NAV3: variants seen among roughly 807,000 people sequenced by gnomAD.
NAV3 encodes the protein neuron navigator 3.
Under a neutral mutation model 244.7 loss-of-function variants are expected in NAV3, and 87 were observed. The ratio of observed to expected loss-of-function variants is 0.36; its 90% CI spans 0.30 to 0.42. The LOEUF (loss-of-function observed/expected upper bound fraction) is 0.42. NAV3 is among the 20% of genes least tolerant of loss of function. The pLI, the probability that NAV3 is intolerant of heterozygous loss-of-function variation, is 1.00. For synonymous variants in NAV3, 1,126 were observed against 1,042.2 expected, an observed-to-expected ratio of 1.08 and a Z score of -1.55; for missense variants, 2,663 against 2,893.3, an observed-to-expected ratio of 0.92 and a Z score of 1.83.
At chr12:77,994,748 C>A in intron 5 of NAV3, 55 bp from the exon 6 acceptor site, 1 of 1,396,538 alleles carries the variant, frequency 7.2e-7, no homozygotes, top group Non-Finnish European at 1.0e-6. Flanking sequence ...TTTGTGCTTT[C>A]CTTCCATGTT....
chr12:77,575,368 G>A (rs373002023), intron 2 of NAV3, among the ~76,000 whole-genome samples: 2 of 151,974 alleles, frequency 1.3e-5, no homozygotes, highest in African/African-American at 2.4e-5. Context: ...GAAATTTAAT[G>A]GCTTTTTTTG....
At chr12:77,801,891 C>T (rs990348480) in intron 2 of NAV3, among the ~76,000 whole-genome samples, 3 of 152,120 alleles carry the variant, frequency 2.0e-5, no homozygotes, top group Non-Finnish European at 4.4e-5. Flanking sequence ...TTGTCTTAGC[C>T]TCCCTTTCAG....
chr12:77,918,347 G>A (rs138511446), intron 1 of NAV3, among the ~76,000 whole-genome samples: 2 of 151,964 alleles, frequency 1.3e-5, no homozygotes, highest in African/African-American at 2.4e-5. Flanking sequence ...AAGAAAAACC[G>A]CTTGGCTGAG....
intron 1 of NAV3, among the ~76,000 whole-genome samples, chr12:77,860,072 A>T (rs892275751): frequency 6.6e-6 from 1 of 151,876 alleles, no homozygotes; most frequent in Non-Finnish European, 1.5e-5. Context: ...TATTAAGTGG[A>T]AAAAGCAAAG....
At chr12:77,639,522 A>G (rs562331863) in intron 2 of NAV3, among the ~76,000 whole-genome samples, 19 of 152,300 alleles carry the variant, frequency 1.2e-4, no homozygotes, top group African/African-American at 4.3e-4. Flanking sequence ...TACTTTGTTC[A>G]TTAAAATTGA....
At chr12:77,786,704 C>A (rs1870919343) in intron 2 of NAV3, among the ~76,000 whole-genome samples, 1 of 152,150 alleles carries the variant, frequency 6.6e-6, no homozygotes, top group East Asian at 1.9e-4. Context: ...GGAAGGAATT[C>A]CTGAAGTTTT....
chr12:77,666,224 G>C (rs1189697514), intron 2 of NAV3, among the ~76,000 whole-genome samples: 4 of 137,630 alleles, frequency 2.9e-5, no homozygotes, highest in Non-Finnish European at 3.0e-5. Flanking sequence ...TCTCTACTGA[G>C]TCTTTCAAAT....
At chr12:77,850,056 A>C (rs1192369092) in intron 1 of NAV3, among the ~76,000 whole-genome samples, 1 of 152,222 alleles carries the variant, frequency 6.6e-6, no homozygotes, top group Non-Finnish European at 1.5e-5. Context: ...ATTATTGCTT[A>C]GGTTACTCTA....
At chr12:77,692,347 G>A (rs1017781750) in intron 2 of NAV3, among the ~76,000 whole-genome samples, 6 of 151,884 alleles carry the variant, frequency 4.0e-5, no homozygotes, top group Non-Finnish European at 5.9e-5. Flanking sequence ...AATAGACCAG[G>A]ACCCAAACAC....
At chr12:77,638,808 A>G (rs1872268394) in intron 2 of NAV3, among the ~76,000 whole-genome samples, 2 of 152,186 alleles carry the variant, frequency 1.3e-5, no homozygotes, top group African/African-American at 4.8e-5. Context: ...TATCATATGA[A>G]TTTGTTAATT....
intron 2 of NAV3, among the ~76,000 whole-genome samples, chr12:77,634,904 G>GTTATTTAT (rs72076435): frequency 6.6e-6 from 1 of 151,850 alleles, no homozygotes; most frequent in Admixed American, 6.6e-5. Context: ...TCTAGCAAGT[G>GTTATTTAT]TTATTTATTT....
rs1217468821 is a variant in NAV3 at position 78,177,651 on chromosome 12, C to A, written c.5329C>A (p.Gln1777Lys). The A allele has an allele frequency of 1.3e-6, 2 of 1,597,308 alleles. No homozygotes were observed. Among genetic ancestry groups the A allele is most frequent in the South Asian group, 1.1e-5 (1 of 91,042 alleles). ...CCTTGTCTGGCCACCAAAGAAACGA[C>A]AAAATGGCCCTGTGATCTACAAGCA... The part of the protein sequence containing the change: ...SPLVWPPKKR[Q>K]NGPVIYKHRS... The change falls in exon 28 of 40, where the codon CAA (glutamine) becomes AAA (lysine). Residue 1777 changes from glutamine to lysine, a missense_variant. Around this residue, in one of 6 missense-constraint regions of NAV3, gnomAD observed 193 missense variants for 200.7 expected, o/e 0.96. Transcript: ENST00000397909.
intron 1 of NAV3, among the ~76,000 whole-genome samples, chr12:77,850,696 A>T (rs1394517037): frequency 2.6e-5 from 4 of 151,848 alleles, no homozygotes; most frequent in African/African-American, 9.7e-5. Context: ...TTTCTTTCTC[A>T]TTTTTAAAAT....
At chr12:77,758,039 T>G (rs1161768705) in intron 2 of NAV3, among the ~76,000 whole-genome samples, 1 of 152,190 alleles carries the variant, frequency 6.6e-6, no homozygotes, top group Non-Finnish European at 1.5e-5. Flanking sequence ...TGATCCAAAA[T>G]GCACAAAGCA....
chr12:78,056,907 G>T (rs1266315785), intron 11 of NAV3, among the ~76,000 whole-genome samples: 1 of 152,208 alleles, frequency 6.6e-6, no homozygotes, highest in East Asian at 1.9e-4. Flanking sequence ...ACGTCATGAA[G>T]TCATTTAAAT....
chr12:77,598,262 T>G (rs1870259250), intron 2 of NAV3, among the ~76,000 whole-genome samples: 1 of 152,084 alleles, frequency 6.6e-6, no homozygotes, highest in Non-Finnish European at 1.5e-5. Flanking sequence ...GTTTACAAGA[T>G]CATTTGAAAT....
At chr12:77,586,006 C>G (rs150873852) in intron 2 of NAV3, among the ~76,000 whole-genome samples, 2 of 152,042 alleles carry the variant, frequency 1.3e-5, no homozygotes, top group East Asian at 3.9e-4. Flanking sequence ...ACTAAAAATA[C>G]AAAAAATTAG....
At chr12:78,083,791 T>C (rs1301427501) in intron 12 of NAV3, among the ~76,000 whole-genome samples, 1 of 152,200 alleles carries the variant, frequency 6.6e-6, no homozygotes, top group East Asian at 1.9e-4. Context: ...ATCTGACCAG[T>C]GCCTGCAATT....
chr12:77,741,634 T>A (rs575084805), intron 2 of NAV3, among the ~76,000 whole-genome samples: 17 of 152,246 alleles, frequency 1.1e-4, no homozygotes, highest in Admixed American at 7.9e-4. Flanking sequence ...AATAGAAGAT[T>A]TGCATTATTG....
Sources: allele counts gnomAD v4.1 joint callset (sites outside exome capture counted in the v4.1 genomes callset), GRCh38; gene constraint gnomAD v4.1.1; regional missense constraint gnomAD v4.1.1; transcripts MANE v1.5; gene names NCBI Gene and HGNC (gene_info 2026-07-23, HGNC 2026-07-21).